GMDS: variants seen among roughly 807,000 people sequenced by gnomAD.
GMDS encodes the protein GDP-mannose 4,6 dehydratase.
Under a neutral mutation model 49.9 loss-of-function variants are expected in GMDS, and 20 were observed. The observed-to-expected ratio is 0.40, with a 90% CI of 0.28 to 0.58. The LOEUF (loss-of-function observed/expected upper bound fraction) is 0.58. GMDS is among the 20% of genes least tolerant of loss of function. The pLI, the probability that GMDS is intolerant of heterozygous loss-of-function variation, is 0.42. For synonymous variants in GMDS, 177 were observed against 178.6 expected, an observed-to-expected ratio of 0.99 and a Z score of 0.07; for missense variants, 362 against 481.4, an observed-to-expected ratio of 0.75 and a Z score of 2.32.
chr6:2,235,611 GC>G (rs2127597976), intron 1 of GMDS, among the ~76,000 whole-genome samples: 1 of 151,078 alleles, frequency 6.6e-6, no homozygotes, highest in East Asian at 1.9e-4. Flanking sequence ...TTTGAAACCA[GC>G]CTGAGCAGCA....
chr6:1,775,257 A>G (rs1038293518), intron 7 of GMDS, among the ~76,000 whole-genome samples: 1 of 152,160 alleles, frequency 6.6e-6, no homozygotes, highest in African/African-American at 2.4e-5. Flanking sequence ...TTCTATCTGC[A>G]TGGTATTTGG....
chr6:1,964,742 T>C (rs953387841), intron 4 of GMDS, among the ~76,000 whole-genome samples: 2 of 152,182 alleles, frequency 1.3e-5, no homozygotes, highest in African/African-American at 4.8e-5. Flanking sequence ...GCAGGTTACA[T>C]ATGTATACAT....
chr6:2,036,890 T>C (rs1483203493), intron 4 of GMDS, among the ~76,000 whole-genome samples: 1 of 152,210 alleles, frequency 6.6e-6, no homozygotes, highest in Non-Finnish European at 1.5e-5. Flanking sequence ...TCCTGAACCA[T>C]AAAACACACT....
intron 7 of GMDS, among the ~76,000 whole-genome samples, chr6:1,928,044 T>C (rs981954521): frequency 1.2e-4 from 18 of 152,342 alleles, no homozygotes; most frequent in African/African-American, 3.6e-4. Flanking sequence ...ATTTGGTTCC[T>C]TGAACTTGGA....
chr6:2,099,298 A>G (rs1296933443), intron 4 of GMDS, among the ~76,000 whole-genome samples: 1 of 152,148 alleles, frequency 6.6e-6, no homozygotes, highest in Non-Finnish European at 1.5e-5. Flanking sequence ...TACTTGAGTG[A>G]AAGTACAGTA....
chr6:2,099,095 A>T (rs1773777496), intron 4 of GMDS, among the ~76,000 whole-genome samples: 1 of 152,108 alleles, frequency 6.6e-6, no homozygotes, highest in African/African-American at 2.4e-5. Flanking sequence ...TTTGTTCTCT[A>T]AGTCATCTAC....
chr6:1,694,246 T>TA (rs1201444318), intron 9 of GMDS, among the ~76,000 whole-genome samples: 2 of 152,248 alleles, frequency 1.3e-5, no homozygotes, highest in Non-Finnish European at 2.9e-5. Context: ...ATCTACCCAT[T>TA]AAACCACAGC....
chr6:2,036,411 GA>G (rs34309524), intron 4 of GMDS, among the ~76,000 whole-genome samples: 37 of 149,990 alleles, frequency 2.5e-4, no homozygotes, highest in African/African-American at 6.4e-4. Context: ...TTGCTAACTG[GA>G]AAAAAAAAAT....
At chr6:2,047,795 C>A (rs1243198109) in intron 4 of GMDS, among the ~76,000 whole-genome samples, 1 of 152,130 alleles carries the variant, frequency 6.6e-6, no homozygotes, top group South Asian at 2.1e-4. Flanking sequence ...AGCCCGTTCA[C>A]ACAATTTTTA....
At chr6:1,971,799 T>C (rs1764628201) in intron 4 of GMDS, among the ~76,000 whole-genome samples, 1 of 152,220 alleles carries the variant, frequency 6.6e-6, no homozygotes, top group African/African-American at 2.4e-5. Flanking sequence ...ATTTTTGTCA[T>C]GTGTTTACAT....
chr6:2,201,414 C>G (rs1348595076), intron 1 of GMDS, among the ~76,000 whole-genome samples: 1 of 105,358 alleles, frequency 9.5e-6, no homozygotes, highest in Non-Finnish European at 2.0e-5. Flanking sequence ...GTGAGGGCAG[C>G]ATGTTAGCAG....
At chr6:1,790,089 T>C (rs1769476585) in intron 7 of GMDS, among the ~76,000 whole-genome samples, 1 of 152,154 alleles carries the variant, frequency 6.6e-6, no homozygotes, top group South Asian at 2.1e-4. Context: ...ATGAACTGCT[T>C]CTCACATTTT....
At chr6:2,028,681 T>C (rs1768768198) in intron 4 of GMDS, among the ~76,000 whole-genome samples, 1 of 152,206 alleles carries the variant, frequency 6.6e-6, no homozygotes, top group Admixed American at 6.5e-5. Flanking sequence ...CTGCTTTCTA[T>C]TAATGATAAG....
At chr6:2,015,035 C>G (rs1399434050) in intron 4 of GMDS, among the ~76,000 whole-genome samples, 1 of 151,884 alleles carries the variant, frequency 6.6e-6, no homozygotes, top group Non-Finnish European at 1.5e-5. Flanking sequence ...AAGTAAGCAC[C>G]CTACAAAAGA....
At chr6:1,733,525 G>A (rs941807644) in intron 8 of GMDS, among the ~76,000 whole-genome samples, 2 of 152,220 alleles carry the variant, frequency 1.3e-5, no homozygotes, top group Non-Finnish European at 2.9e-5. Flanking sequence ...AGCCTCAAAG[G>A]AGGGCCAGAG....
At chr6:2,107,024 G>A (rs11961278) in intron 4 of GMDS, among the ~76,000 whole-genome samples, 3,593 of 151,986 alleles carry the variant, frequency 0.024, 155 homozygotes, top group African/African-American at 0.081. Flanking sequence ...AAATAATGTT[G>A]CAATACTAAA....
chr6:1,900,128 G>A (rs1760424743), intron 7 of GMDS, among the ~76,000 whole-genome samples: 1 of 152,228 alleles, frequency 6.6e-6, no homozygotes, highest in African/African-American at 2.4e-5. Flanking sequence ...CAAGCTTGGA[G>A]GAGCAGGGAG....
intron 1 of GMDS, among the ~76,000 whole-genome samples, chr6:2,187,684 C>T (rs1254860648): frequency 2.0e-5 from 3 of 152,170 alleles, no homozygotes; most frequent in Non-Finnish European, 4.4e-5. Flanking sequence ...ACGAGTAGAA[C>T]AGTAAAGACT....
intron 4 of GMDS, among the ~76,000 whole-genome samples, chr6:2,030,828 T>C (rs1280150378): frequency 6.6e-6 from 1 of 152,204 alleles, no homozygotes; most frequent in Non-Finnish European, 1.5e-5. Flanking sequence ...GCTTGGGACA[T>C]AGTGATATAT....
Sources: allele counts gnomAD v4.1 joint callset (sites outside exome capture counted in the v4.1 genomes callset), GRCh38; gene constraint gnomAD v4.1.1; transcripts MANE v1.5; gene names NCBI Gene and HGNC (gene_info 2026-07-23, HGNC 2026-07-21).